The following MGMT variants were observed in gnomAD, a reference collection of about 807,000 sequenced individuals.
MGMT encodes the protein O-6-methylguanine-DNA methyltransferase.
MGMT carries 14 observed loss-of-function variants against 15.9 expected under a neutral mutation model. The observed-to-expected ratio is 0.88, with a 90% CI of 0.58 to 1.37. MGMT has a LOEUF of 1.37. MGMT is among the 40% of genes most tolerant of loss of function. MGMT has a pLI of 0.00. For missense variants in MGMT, 282 were observed against 268.1 expected (o/e 1.05, Z -0.36); for synonymous variants, 130 against 118.2 (o/e 1.10, Z -0.65).
intron 2 of MGMT, among the ~76,000 whole-genome samples, chr10:129,616,540 G>A (rs764865490): frequency 2.6e-5 from 4 of 152,108 alleles, no homozygotes; most frequent in African/African-American, 9.7e-5. Flanking sequence ...CCCATTGGCC[G>A]GCCAGGCCCC....
At chr10:129,702,977 G>A (rs1400583089) in intron 2 of MGMT, among the ~76,000 whole-genome samples, 2 of 152,216 alleles carry the variant, frequency 1.3e-5, no homozygotes, top group Non-Finnish European at 2.9e-5. Context: ...GGAAGGAGGA[G>A]AGGGCAGGGC....
At position 129,678,560 on chromosome 10, in the gene MGMT, C is replaced by T. The variant is rs1017471087; in HGVS notation, c.126-29335C>T. Among the ~76,000 whole-genome samples, 24 of 152,274 alleles carry T rather than the reference C, an allele frequency of 1.6e-4. 1 individual carries two copies. The highest frequency in any genetic ancestry group is 3.3e-4 in the Admixed American group (5 of 15,304). ...AAAGACTTTTAACCTACTAAACAAG[C>T]GTCTTCCCTGGGAAAATACATCCTT... On this transcript the variant is annotated intron_variant, in intron 2 of 4. Coordinates refer to ENST00000651593, the MANE Select transcript of MGMT (RefSeq NM_002412.5).
intron 2 of MGMT, among the ~76,000 whole-genome samples, chr10:129,654,711 G>A (rs1396374789): frequency 6.6e-6 from 1 of 152,038 alleles, no homozygotes; most frequent in Non-Finnish European, 1.5e-5. Flanking sequence ...GAGGAAGGTG[G>A]CCGGGGTCTC....
chr10:129,480,861 A>G (rs1015816901), intron 1 of MGMT, among the ~76,000 whole-genome samples: 6 of 152,238 alleles, frequency 3.9e-5, no homozygotes, highest in Admixed American at 3.9e-4. Context: ...TGAGTCATTC[A>G]CACTAGCAAA....
At chr10:129,705,556 G>A (rs1202259480) in intron 2 of MGMT, among the ~76,000 whole-genome samples, 1 of 152,152 alleles carries the variant, frequency 6.6e-6, no homozygotes, top group African/African-American at 2.4e-5. Context: ...GCCTCATTAT[G>A]TACTTTTGAC....
intron 1 of MGMT, among the ~76,000 whole-genome samples, chr10:129,514,158 A>G (rs1313475296): frequency 6.6e-6 from 1 of 152,222 alleles, no homozygotes; most frequent in African/African-American, 2.4e-5. Flanking sequence ...AACATTCACA[A>G]AGTTTTATAT....
chr10:129,604,742 CT>C (rs72258380), intron 2 of MGMT, among the ~76,000 whole-genome samples: 2,398 of 141,754 alleles, frequency 0.017, 34 homozygotes, highest in African/African-American at 0.043. Context: ...GCCCCACCCC[CT>C]CCCCCCGGCT....
chr10:129,492,658 C>T lies in MGMT; in HGVS notation c.-13+25362C>T, dbSNP rs547510580. Among the ~76,000 whole-genome samples the T allele has an allele frequency of 5.9e-5, 9 of 152,346 alleles. No individual in the cohort carries two copies. The East Asian group carries it at 1.7e-3, about 29-fold the overall frequency. On this transcript the variant is annotated intron_variant, in intron 1 of 4. Coordinates refer to ENST00000651593, the MANE Select transcript of MGMT (RefSeq NM_002412.5). ...TGGCTTTGTGTGGACTGCCACGGTGCTCCCCATCTGCACCCAGGATCAGCA... is the reference window on the plus strand; with the variant it reads ...TGGCTTTGTGTGGACTGCCACGGTGTTCCCCATCTGCACCCAGGATCAGCA...
chr10:129,766,355 C>T (rs888916001), intron 4 of MGMT, among the ~76,000 whole-genome samples: 2 of 152,204 alleles, frequency 1.3e-5, no homozygotes, highest in Non-Finnish European at 1.5e-5. Flanking sequence ...CGTGCAGGTA[C>T]GGTCTTCTCT....
chr10:129,572,307 C>T (rs1846429387), intron 2 of MGMT, among the ~76,000 whole-genome samples: 1 of 152,068 alleles, frequency 6.6e-6, no homozygotes, highest in South Asian at 2.1e-4. Context: ...TCTGTGTGTA[C>T]CCCAACACTT....
At chr10:129,674,755 G>T (rs916201666) in intron 2 of MGMT, among the ~76,000 whole-genome samples, 6 of 152,220 alleles carry the variant, frequency 3.9e-5, no homozygotes, top group African/African-American at 9.6e-5. Flanking sequence ...GCTCTATCCT[G>T]CATGTTCTTG....
At chr10:129,623,315 C>T (rs35221395) in intron 2 of MGMT, among the ~76,000 whole-genome samples, 7,467 of 152,064 alleles carry the variant, frequency 0.049, 277 homozygotes, top group Middle Eastern at 0.082. Flanking sequence ...AGCAGTTCAG[C>T]GGGGATACCA....
intron 1 of MGMT, among the ~76,000 whole-genome samples, chr10:129,505,308 T>C (rs1845614532): frequency 6.6e-6 from 1 of 152,214 alleles, no homozygotes; most frequent in African/African-American, 2.4e-5. Context: ...ACTTTGACTC[T>C]TGGTTTGTAA....
intron 1 of MGMT, among the ~76,000 whole-genome samples, chr10:129,525,435 A>G (rs1056478738): frequency 2.6e-5 from 4 of 152,146 alleles, no homozygotes; most frequent in African/African-American, 2.4e-5. Flanking sequence ...CGTTGGTTTT[A>G]TAATGTGCCA....
At chr10:129,671,427 C>T (rs983820635) in intron 2 of MGMT, among the ~76,000 whole-genome samples, 1 of 145,752 alleles carries the variant, frequency 6.9e-6, no homozygotes, top group South Asian at 2.2e-4. Flanking sequence ...TGGGGCTGGA[C>T]ATCTTTTTTT....
intron 2 of MGMT, among the ~76,000 whole-genome samples, chr10:129,663,731 G>A (rs1847626448): frequency 6.6e-6 from 1 of 152,050 alleles, no homozygotes; most frequent in South Asian, 2.1e-4. Flanking sequence ...TGCATAATTA[G>A]GAAAAATCCA....
rs562204201 is a variant in MGMT, at chr10:129,651,411, G to GA, written c.126-56474dup. ...GGCTCTAGGAAAACCTTTTTTTTAA[G>GA]AAAAAAAAAAGCATTTTATAGAAAT... On this transcript the variant is annotated intron_variant, in intron 2 of 4. Coordinates refer to ENST00000651593, the MANE Select transcript of MGMT (RefSeq NM_002412.5). Among the ~76,000 whole-genome samples the GA allele has an allele frequency of 4.1e-3, 601 of 145,870 alleles. 4 individuals are homozygous for GA. Among genetic ancestry groups the GA allele is most frequent in the African/African-American group, 0.013 (512 of 39,764 alleles).
At chr10:129,574,198 T>G (rs1218326572) in intron 2 of MGMT, among the ~76,000 whole-genome samples, 2 of 152,214 alleles carry the variant, frequency 1.3e-5, no homozygotes, top group East Asian at 3.9e-4. Context: ...TACAGCTTCT[T>G]GACCTTTTGG....
At chr10:129,488,434 G>A (rs542287095) in intron 1 of MGMT, among the ~76,000 whole-genome samples, 11 of 152,176 alleles carry the variant, frequency 7.2e-5, no homozygotes, top group Admixed American at 2.6e-4. Flanking sequence ...TTAACTTATA[G>A]GATTATCTTA....
Sources: gnomAD v4.1 joint callset for allele counts (sites outside exome capture counted in the v4.1 genomes callset) on GRCh38, gnomAD v4.1.1 for gene constraint, MANE v1.5 for transcripts, NCBI Gene and HGNC (gene_info 2026-07-23, HGNC 2026-07-21) for gene names.